The following SLC2A13 variants were observed in gnomAD, a reference collection of about 807,000 sequenced individuals.
The protein encoded by SLC2A13 is solute carrier family 2 member 13.
A neutral mutation model predicts 64.4 loss-of-function variants in SLC2A13; 32 were observed. The ratio of observed to expected loss-of-function variants is 0.50; its 90% CI spans 0.37 to 0.67. The LOEUF is 0.67. SLC2A13 is among the 30% of genes least tolerant of loss of function. SLC2A13 has a pLI of 0.00. For missense variants in SLC2A13, 743 were observed against 829.2 expected (o/e 0.90, Z 1.28); for synonymous variants, 338 against 327.1 (o/e 1.03, Z -0.36).
At chr12:40,034,532 ACTGTAT>A (rs1450885406) in intron 2 of SLC2A13, among the ~76,000 whole-genome samples, 1 of 152,134 alleles carries the variant, frequency 6.6e-6, no homozygotes, top group Non-Finnish European at 1.5e-5. Flanking sequence ...AAATGAAAAA[ACTGTAT>A]CTGTAATTCC....
At chr12:40,077,201 G>A (rs1422569513) in intron 1 of SLC2A13, among the ~76,000 whole-genome samples, 1 of 151,926 alleles carries the variant, frequency 6.6e-6, no homozygotes, top group Non-Finnish European at 1.5e-5. Context: ...ATTGCTTTTG[G>A]AGTCTTCATC....
intron 4 of SLC2A13, among the ~76,000 whole-genome samples, chr12:39,901,855 G>T (rs1168750271): frequency 7.6e-4 from 114 of 149,544 alleles, no homozygotes; most frequent in African/African-American, 2.6e-3. Flanking sequence ...TATACCCAAA[G>T]GACTATAAAT....
At chr12:39,972,385 A>G (rs73280629) in intron 3 of SLC2A13, among the ~76,000 whole-genome samples, 14,427 of 152,118 alleles carry the variant, frequency 0.095, 792 homozygotes, top group Admixed American at 0.11. Flanking sequence ...CATCCATCAT[A>G]CTGCACTTGC....
At chr12:40,006,766 C>G (rs1482172970) in intron 3 of SLC2A13, among the ~76,000 whole-genome samples, 2 of 152,196 alleles carry the variant, frequency 1.3e-5, no homozygotes. Flanking sequence ...ACTCAAGTCT[C>G]TCTGGAGAAA....
intron 4 of SLC2A13, among the ~76,000 whole-genome samples, chr12:39,882,788 TTA>T (rs774280971): frequency 1.3e-5 from 2 of 152,224 alleles, no homozygotes; most frequent in African/African-American, 2.4e-5. Flanking sequence ...GCTGCTAGAA[TTA>T]TTACTCTTTC....
At chr12:40,104,522 A>C (rs1290082361) in intron 1 of SLC2A13, among the ~76,000 whole-genome samples, 1 of 152,226 alleles carries the variant, frequency 6.6e-6, no homozygotes, top group Non-Finnish European at 1.5e-5. Flanking sequence ...TATGACCTTT[A>C]ATAGATAATT....
intron 7 of SLC2A13, among the ~76,000 whole-genome samples, chr12:39,767,335 T>C (rs1437411995): frequency 3.3e-5 from 5 of 150,838 alleles, no homozygotes; most frequent in Non-Finnish European, 7.4e-5. Flanking sequence ...TAGGTCTCCA[T>C]AGTGGCTTAA....
rs923894989 is a variant in SLC2A13 at position 39,755,487 on chromosome 12, T to C, written c.*4539A>G. 2 of 152,160 alleles carry C rather than the reference T, an allele frequency of 1.3e-5. No individual in the cohort carries two copies. Among genetic ancestry groups the C allele is most frequent in the South Asian group, 4.1e-4 (2 of 4,834 alleles). 9.4% of individuals were successfully genotyped at this position (152,160 alleles called of 1,614,324 possible). On this transcript the variant is annotated 3_prime_UTR_variant, in exon 10 of 10. Coordinates refer to ENST00000280871, the MANE Select transcript of SLC2A13 (RefSeq NM_052885.4). ...AAAGATACTTTAACATCAAGTGATA[T>C]ATAGTCCAAAAGCTGCTAGGAGACA...
At chr12:39,854,112 AT>A (rs901469909) in intron 6 of SLC2A13, among the ~76,000 whole-genome samples, 1 of 152,028 alleles carries the variant, frequency 6.6e-6, no homozygotes, top group Non-Finnish European at 1.5e-5. Flanking sequence ...AAAAAAAAAA[AT>A]AAAGGCCATT....
rs1293376654 is a variant in SLC2A13, at chr12:39,756,708, G to C, written c.*3318C>G. 1 of 151,568 alleles carries C rather than the reference G, an allele frequency of 6.6e-6. No individual in the cohort carries two copies. The highest frequency in any genetic ancestry group is 1.5e-5 in the Non-Finnish European group (1 of 67,656). 9.4% of individuals were successfully genotyped at this position (151,568 alleles called of 1,614,324 possible). On this transcript the variant is annotated 3_prime_UTR_variant, in exon 10 of 10. Coordinates refer to ENST00000280871, the MANE Select transcript of SLC2A13 (RefSeq NM_052885.4). Reference sequence around the variant, plus strand: ...TAAAAAGCAAAAGGGTAAGTTGTCAGCTTATATTTTTCCTGATCATTCTTC... The same window carrying C: ...TAAAAAGCAAAAGGGTAAGTTGTCACCTTATATTTTTCCTGATCATTCTTC...
At chr12:39,762,775 A>C (rs1295761955) in intron 9 of SLC2A13, among the ~76,000 whole-genome samples, 2 of 152,166 alleles carry the variant, frequency 1.3e-5, no homozygotes, top group East Asian at 3.9e-4. Flanking sequence ...TGAATGAACT[A>C]TTTTTCTACT....
At chr12:39,939,357 GCCT>G (rs1471710060) in intron 4 of SLC2A13, among the ~76,000 whole-genome samples, 1 of 152,196 alleles carries the variant, frequency 6.6e-6, no homozygotes, top group Non-Finnish European at 1.5e-5. Context: ...TCTGCTCCAA[GCCT>G]CCTCTGATGA....
At chr12:39,991,116 G>A (rs997429783) in intron 3 of SLC2A13, among the ~76,000 whole-genome samples, 3 of 152,234 alleles carry the variant, frequency 2.0e-5, no homozygotes, top group Non-Finnish European at 4.4e-5. Context: ...TTAACTTCAC[G>A]GAGTTCAACC....
At chr12:39,930,468 A>G (rs909344500) in intron 4 of SLC2A13, among the ~76,000 whole-genome samples, 3 of 152,206 alleles carry the variant, frequency 2.0e-5, no homozygotes, top group Admixed American at 6.5e-5. Flanking sequence ...GAATGTGTGT[A>G]TTGTGGGGGA....
chr12:39,958,315 G>A (rs2136110042), intron 3 of SLC2A13, among the ~76,000 whole-genome samples: 2 of 152,292 alleles, frequency 1.3e-5, no homozygotes, highest in East Asian at 3.9e-4. Context: ...ACAGTGCACG[G>A]CTGTGGAAAG....
At chr12:40,004,095 T>C (rs1043954751) in intron 3 of SLC2A13, among the ~76,000 whole-genome samples, 1 of 152,180 alleles carries the variant, frequency 6.6e-6, no homozygotes, top group African/African-American at 2.4e-5. Context: ...TTGCATAACA[T>C]TTACACTGTA....
intron 3 of SLC2A13, among the ~76,000 whole-genome samples, chr12:40,021,071 T>A (rs1351499048): frequency 6.6e-6 from 1 of 152,192 alleles, no homozygotes; most frequent in Non-Finnish European, 1.5e-5. Flanking sequence ...TTTAAGTACA[T>A]CTTAGCAAGA....
chr12:39,777,069 AATTCCTTTTGGAATCAT>A (rs1940803089), intron 7 of SLC2A13, among the ~76,000 whole-genome samples: 1 of 152,190 alleles, frequency 6.6e-6, no homozygotes, highest in Non-Finnish European at 1.5e-5. Flanking sequence ...TATTTTCTGG[AATTCCTTTTGGAATCAT>A]ATTCGGAATC....
At chr12:39,991,956 T>C (rs1159703734) in intron 3 of SLC2A13, among the ~76,000 whole-genome samples, 1 of 152,178 alleles carries the variant, frequency 6.6e-6, no homozygotes, top group Non-Finnish European at 1.5e-5. Flanking sequence ...TTCCTCTTCT[T>C]TGATTGCAAT....
Sources: allele counts gnomAD v4.1 joint callset (sites outside exome capture counted in the v4.1 genomes callset), GRCh38; gene constraint gnomAD v4.1.1; transcripts MANE v1.5; gene names NCBI Gene and HGNC (gene_info 2026-07-23, HGNC 2026-07-21).